Variants in FMN1 observed in about 807,000 individuals in gnomAD.
FMN1 encodes formin 1.
FMN1 carries 110 observed loss-of-function variants against 132.4 expected under a neutral mutation model. That is an observed-to-expected ratio of 0.83 (90% confidence interval 0.71 to 0.97). The LOEUF is 0.97. FMN1 is among the 50% of genes least tolerant of loss of function. The pLI, the probability that FMN1 is intolerant of heterozygous loss-of-function variation, is 0.00. For missense variants in FMN1, 1,792 were observed against 1,705.3 expected, an observed-to-expected ratio of 1.05 and a Z score of -0.90; for synonymous variants, 722 against 651.7, an observed-to-expected ratio of 1.11 and a Z score of -1.64.
At position 32,854,372 on chromosome 15, in the gene FMN1, C is replaced by T. The variant is rs980968395; in HGVS notation, c.3928+2643G>A. On this transcript the variant is annotated intron_variant, in intron 17 of 20. Transcript: ENST00000616417. ...TAAGTAATGAAATAATTGTAACAAGCTATTTCAACAGTAGACTTTTCTACC... is the reference window on the plus strand; with the variant it reads ...TAAGTAATGAAATAATTGTAACAAGTTATTTCAACAGTAGACTTTTCTACC... 2.6e-5 allele frequency among the ~76,000 whole-genome samples: 4 copies of T among 152,276 alleles called. No individual in the cohort carries two copies. In the South Asian group the frequency reaches 8.3e-4, roughly 32 times the overall value.
chr15:32,985,386 T>C (rs2033001224), intron 7 of FMN1, among the ~76,000 whole-genome samples: 1 of 152,136 alleles, frequency 6.6e-6, no homozygotes, highest in African/African-American at 2.4e-5. Context: ...TATGTCAACT[T>C]TATGGGGACT....
intron 5 of FMN1, among the ~76,000 whole-genome samples, chr15:33,082,009 A>C (rs1048071419): frequency 3.6e-5 from 5 of 140,612 alleles, no homozygotes; most frequent in African/African-American, 1.5e-4. Flanking sequence ...AATCAACAAG[A>C]AGAGTTCAGG....
intron 3 of FMN1, among the ~76,000 whole-genome samples, chr15:33,165,640 C>T (rs112104875): frequency 0.046 from 6,964 of 152,262 alleles, 190 homozygotes; most frequent in Non-Finnish European, 0.06. Flanking sequence ...ATCCGCCTGC[C>T]TCGGCCTCCC....
At chr15:32,831,570 G>T (rs762981823) in intron 17 of FMN1, among the ~76,000 whole-genome samples, 2 of 152,080 alleles carry the variant, frequency 1.3e-5, no homozygotes, top group Non-Finnish European at 2.9e-5. Context: ...TGTGTGGGGT[G>T]GGGAGGTTGG....
rs1017816272 is a variant in FMN1 at position 32,785,990 on chromosome 15, TA to T, written c.4131-9072del. Among the ~76,000 whole-genome samples, 31 of 152,176 alleles carry T rather than the reference TA, an allele frequency of 2.0e-4. 1 individual carries two copies. The highest frequency in any genetic ancestry group is 3.4e-3 in the Middle Eastern group (1 of 294). On this transcript the variant is annotated intron_variant, in intron 19 of 20. Coordinates refer to ENST00000616417, the MANE Select transcript of FMN1 (RefSeq NM_001277313.2). Reference sequence around the variant, plus strand: ...ATCACTCGTTGCTAAAGAAAGAAGATAAAAATGGTCTAAAAAATGGATACGG... The same window carrying T: ...ATCACTCGTTGCTAAAGAAAGAAGATAAAATGGTCTAAAAAATGGATACGG...
At chr15:32,818,378 A>G (rs985814101) in intron 17 of FMN1, among the ~76,000 whole-genome samples, 10 of 152,202 alleles carry the variant, frequency 6.6e-5, no homozygotes, top group Non-Finnish European at 1.3e-4. Flanking sequence ...GAAACTCATG[A>G]AAGCATTTCA....
At position 33,154,858 on chromosome 15, in the gene FMN1, G is replaced by A; in HGVS notation, c.57C>T (p.Tyr19=). The change falls in exon 4 of 21, where the codon TAC becomes TAT. Residue 19 remains tyrosine (Y), a synonymous_variant. Coordinates refer to ENST00000616417, the MANE Select transcript of FMN1 (RefSeq NM_001277313.2). The part of the protein sequence containing the change: ...QLHKPITELC[Y]ISFCLPKGEV... Reference sequence around the variant, plus strand: ...CCCCCTTTGGAAGACAGAAGCTGATGTAGCAGAGTTCCGTAATGGGCTTAT... The same window carrying A: ...CCCCCTTTGGAAGACAGAAGCTGATATAGCAGAGTTCCGTAATGGGCTTAT... The A allele has an allele frequency of 6.5e-7, 1 of 1,536,284 alleles. No individual in the cohort carries two copies.
chr15:33,019,654 T>C (rs1328914078), intron 6 of FMN1, among the ~76,000 whole-genome samples: 2 of 152,048 alleles, frequency 1.3e-5, no homozygotes, highest in South Asian at 2.1e-4. Flanking sequence ...CGGGGACAAA[T>C]CGAGCGCAGC....
chr15:32,955,073 C>T (rs759340257), intron 9 of FMN1, among the ~76,000 whole-genome samples: 1 of 152,130 alleles, frequency 6.6e-6, no homozygotes, highest in Non-Finnish European at 1.5e-5. Flanking sequence ...TTGCCCAACC[C>T]CTCTAAACTC....
intron 16 of FMN1, among the ~76,000 whole-genome samples, chr15:32,870,606 C>T (rs2059492313): frequency 1.3e-5 from 2 of 152,204 alleles, no homozygotes; most frequent in South Asian, 4.1e-4. Flanking sequence ...GTCCCGCCTA[C>T]CAAACGTCAC....
intron 16 of FMN1, among the ~76,000 whole-genome samples, chr15:32,865,402 G>C (rs1047857745): frequency 6.6e-6 from 1 of 152,084 alleles, no homozygotes; most frequent in African/African-American, 2.4e-5. Flanking sequence ...AAAAATCTTA[G>C]GTGCAACTAT....
chr15:32,957,301 T>TTTTTTG (rs1243950883), intron 9 of FMN1, among the ~76,000 whole-genome samples: 1 of 102,382 alleles, frequency 9.8e-6, no homozygotes, highest in Non-Finnish European at 2.0e-5. Flanking sequence ...AGCAGTTCTT[T>TTTTTTG]TTTTTTTTTT....
chr15:33,045,812 C>T (rs1055361942), intron 6 of FMN1, among the ~76,000 whole-genome samples: 1 of 152,030 alleles, frequency 6.6e-6, no homozygotes, highest in African/African-American at 2.4e-5. Context: ...TTTTCGTGCA[C>T]ATGTAGGTAG....
At chr15:32,799,419 C>T (rs571062713) in intron 18 of FMN1, among the ~76,000 whole-genome samples, 32 of 152,296 alleles carry the variant, frequency 2.1e-4, no homozygotes, top group Middle Eastern at 6.8e-3. Context: ...TATCCTTTTT[C>T]GGGCATATAC....
intron 9 of FMN1, among the ~76,000 whole-genome samples, chr15:32,959,262 G>GA (rs887751216): frequency 2.0e-5 from 3 of 152,058 alleles, no homozygotes; most frequent in African/African-American, 7.2e-5. Context: ...CTTCAATGCT[G>GA]AAACTCCTCA....
chr15:33,016,791 G>C (rs2035073346), intron 6 of FMN1, among the ~76,000 whole-genome samples: 8 of 152,176 alleles, frequency 5.3e-5, no homozygotes, highest in Admixed American at 5.2e-4. Flanking sequence ...CCACACACCT[G>C]GGCGATCTGA....
At chr15:32,792,275 C>CAAAAAAAA (rs11461605) in intron 19 of FMN1, among the ~76,000 whole-genome samples, 1 of 111,736 alleles carries the variant, frequency 8.9e-6, no homozygotes, top group East Asian at 2.5e-4. Flanking sequence ...CAGTCTCTAC[C>CAAAAAAAA]AAAAAAAAAA....
intron 17 of FMN1, among the ~76,000 whole-genome samples, chr15:32,814,755 G>C (rs2057998468): frequency 6.6e-6 from 1 of 152,140 alleles, no homozygotes; most frequent in Non-Finnish European, 1.5e-5. Flanking sequence ...GTTTCTGAAA[G>C]GCATGGACTA....
chr15:33,068,159 G>C (rs2037834856), intron 5 of FMN1: 1 of 493,948 alleles, frequency 2.0e-6, no homozygotes, highest in African/African-American at 2.0e-5. Context: ...ACACGGACCA[G>C]GGAGGCTGCT....
Sources: gnomAD v4.1 joint callset for allele counts (sites outside exome capture counted in the v4.1 genomes callset) on GRCh38, gnomAD v4.1.1 for gene constraint, MANE v1.5 for transcripts, NCBI Gene and HGNC (gene_info 2026-07-23, HGNC 2026-07-21) for gene names.